Variants in BRD1 observed in about 807,000 individuals in gnomAD.
The protein encoded by BRD1 is bromodomain-containing protein 1.
In BRD1, 24 loss-of-function variants were observed where a neutral mutation model predicts 107.7. The ratio of observed to expected loss-of-function variants is 0.22; its 90% CI spans 0.16 to 0.31. BRD1 has a LOEUF of 0.31. Among genes scored for constraint, BRD1 ranks in the 10% least tolerant of loss-of-function variants. BRD1 has a pLI of 1.00. For missense variants in BRD1, 1,279 were observed against 1,638.6 expected, an observed-to-expected ratio of 0.78 and a Z score of 3.79; for synonymous variants, 744 against 686.1, an observed-to-expected ratio of 1.08 and a Z score of -1.32.
At chr22:49,798,162 A>T in intron 5 of BRD1, 45 bp from the exon 6 acceptor site, 1 of 1,494,852 alleles carries the variant, frequency 6.7e-7, no homozygotes, top group Non-Finnish European at 9.1e-7. Flanking sequence ...CTAAAACAGG[A>T]TATTAGTTGA....
intron 7 of BRD1, 120 bp downstream of exon 7, chr22:49,793,914 C>T (rs1293583404): frequency 2.2e-6 from 3 of 1,375,314 alleles, no homozygotes; most frequent in East Asian, 2.3e-5. Flanking sequence ...ACGGAACTGG[C>T]GCTAACCTGA....
rs2059685223 is a variant in BRD1, at chr22:49,803,770, A to G, written c.1524+434T>C. On this transcript the variant is annotated intron_variant, in intron 3 of 12. Transcript: ENST00000404760. The surrounding 1 kb of genome is among the most constrained non-coding windows in gnomAD (Gnocchi z 4.4). ...ATAAACCACTCCTCACATATTTCCAAAACCCACCCTCCAGGCCCAGCACAC... is the reference window on the plus strand; with the variant it reads ...ATAAACCACTCCTCACATATTTCCAGAACCCACCCTCCAGGCCCAGCACAC... Among the ~76,000 whole-genome samples, 1 of 152,108 alleles carries G rather than the reference A, an allele frequency of 6.6e-6. No individual in the cohort carries two copies. Among genetic ancestry groups the G allele is most frequent in the African/African-American group, 2.4e-5 (1 of 41,424 alleles).
rs565076505 is a variant in BRD1 at position 49,780,302 on chromosome 22, G to A, written c.2858-2489C>T. Reference sequence around the variant, plus strand: ...AAGTCCTTAATTCTCAGAAAGAGGAGAATGATAAAATGCCCCTCTTAATTT... The same window carrying A: ...AAGTCCTTAATTCTCAGAAAGAGGAAAATGATAAAATGCCCCTCTTAATTT... On this transcript the variant is annotated intron_variant, in intron 8 of 12. Coordinates refer to ENST00000404760, the MANE Select transcript of BRD1 (RefSeq NM_001304808.3). Among the ~76,000 whole-genome samples, 180 of 152,368 alleles carry A rather than the reference G, an allele frequency of 1.2e-3. 1 individual carries two copies. The highest frequency in any genetic ancestry group is 2.3e-3 in the Non-Finnish European group (156 of 68,032).
chr22:49,810,959 G>C (rs1021963021), intron 2 of BRD1, among the ~76,000 whole-genome samples: 4 of 152,168 alleles, frequency 2.6e-5, no homozygotes, highest in African/African-American at 9.7e-5. Context: ...GTTCAGAGCA[G>C]CATTGTTCAT....
chr22:49,779,740 C>A (rs1280758648), intron 8 of BRD1, among the ~76,000 whole-genome samples: 1 of 152,074 alleles, frequency 6.6e-6, no homozygotes, highest in Admixed American at 6.5e-5. Context: ...TTAAAAGTCC[C>A]GTCCTGGCCC....
chr22:49,787,606 T>G lies in BRD1; in HGVS notation c.2641A>C (p.Thr881Pro), dbSNP rs2147045184. The change falls in exon 8 of 13, where the codon ACT becomes CCT. Residue 881 changes from threonine to proline, a missense_variant. Around this residue, in one of 7 missense-constraint regions of BRD1, gnomAD observed 263 missense variants for 251.6 expected, o/e 1.05. Coordinates refer to ENST00000404760, the MANE Select transcript of BRD1 (RefSeq NM_001304808.3). Reference protein sequence around the residue: ...AEPASDVNRRTSVLFCKSKSV... With the variant: ...AEPASDVNRRPSVLFCKSKSV... ...TTCGATTTGCAGAAGAGAACAGAAG[T>G]GCGTCTGTTTACATCGCTTGCTGGC... The G allele has an allele frequency of 1.3e-6, 2 of 1,553,596 alleles. No homozygotes were observed. The highest frequency in any genetic ancestry group is 1.7e-6 in the Non-Finnish European group (2 of 1,148,278).
chr22:49,776,118 C>T lies in BRD1; in HGVS notation c.3163G>A (p.Ala1055Thr), dbSNP rs540212211. The change falls in exon 11 of 13, where the codon GCC (alanine) becomes ACC (threonine). Residue 1055 changes from alanine to threonine, a missense_variant. Ala to Thr is a moderately conservative substitution (Grantham distance 58). Transcript: ENST00000404760. Reference protein sequence around the residue: ...SSMWISTDAAASVLEPLKVVW... With the variant: ...SSMWISTDAATSVLEPLKVVW... ...ACCTTCAGAGGCTCCAGCACCGAGG[C>T]GGCGGCATCAGTGGAGATCCACATG... 13 of 1,606,886 alleles carry T rather than the reference C, an allele frequency of 8.1e-6. No individual in the cohort carries two copies. Among genetic ancestry groups the T allele is most frequent in the South Asian group, 5.5e-5 (5 of 91,056 alleles).
At chr22:49,774,561 G>C in intron 12 of BRD1, 145 bp from the exon 13 acceptor site, 7 of 920,278 alleles carry the variant, frequency 7.6e-6, no homozygotes, top group Non-Finnish European at 9.6e-6. Context: ...CCCGTGCAGG[G>C]ACAGGCCCGA....
Position 49,824,263 on chromosome 22 carries a change from G to A in BRD1, c.55C>T (p.Pro19Ser). Residue 19 changes from proline (P) to serine (S), a missense_variant, in exon 2 of 13, where the codon CCA (proline) becomes TCA (serine). This residue lies in a region of BRD1 where 223 missense variants were observed against 263.5 expected (regional missense o/e 0.85). Transcript: ENST00000404760. This position sits in a 1 kb window ranked among gnomAD's most constrained non-coding sequence, Gnocchi z 5.9. ...GTAGGGGAGTGTTTAACACTGCATG[G>A]GGAAGAAGGATGCCTCGCTGCAGAG... Reference protein sequence around the residue: ...RGSAARHPSSPCSVKHSPTRE... With the variant: ...RGSAARHPSSSCSVKHSPTRE... The A allele has an allele frequency of 1.9e-6, 3 of 1,613,964 alleles. No individual in the cohort carries two copies. Among genetic ancestry groups the A allele is most frequent in the Non-Finnish European group, 2.5e-6 (3 of 1,180,000 alleles).
intron 2 of BRD1, chr22:49,821,060 C>G (rs568122556): frequency 2.0e-5 from 3 of 152,400 alleles, no homozygotes; most frequent in African/African-American, 7.2e-5. Flanking sequence ...CCAATACATG[C>G]TTTCAAATAT....
chr22:49,824,918 A>G lies in BRD1; in HGVS notation c.-14-587T>C, dbSNP rs2060130074. On this transcript the variant is annotated intron_variant, in intron 1 of 12. Transcript: ENST00000404760. The surrounding 1 kb of genome is among the most constrained non-coding windows in gnomAD (Gnocchi z 5.9). Reference sequence around the variant, plus strand: ...TGCTGGGGCCAGGGGTAGGAGACAGATCACAGCCTGTCCATCCTCTATAGA... The same window carrying G: ...TGCTGGGGCCAGGGGTAGGAGACAGGTCACAGCCTGTCCATCCTCTATAGA... 1.5e-6 allele frequency: 1 copy of G among 659,772 alleles called. No individual in the cohort carries two copies. The highest frequency in any genetic ancestry group is 1.9e-6 in the Non-Finnish European group (1 of 527,896). 40.9% of individuals were successfully genotyped at this position (659,772 alleles called of 1,614,324 possible).
chr22:49,822,127 TA>T (rs1257243530), intron 2 of BRD1, among the ~76,000 whole-genome samples: 1 of 152,240 alleles, frequency 6.6e-6, no homozygotes, highest in Non-Finnish European at 1.5e-5. Flanking sequence ...CTGAAATTCT[TA>T]AAAATCTTCA....
chr22:49,777,337 G>C (rs538702171), intron 9 of BRD1, among the ~76,000 whole-genome samples, 176 bp from the exon 10 acceptor site: 23 of 152,380 alleles, frequency 1.5e-4, no homozygotes, highest in African/African-American at 4.3e-4. Context: ...TGGCAGGGGG[G>C]ACTCAGGAGG....
chr22:49,797,710 G>A (rs1047791991), intron 6 of BRD1, 95 bp downstream of exon 6: 17 of 1,332,100 alleles, frequency 1.3e-5, no homozygotes, highest in East Asian at 2.4e-5. Flanking sequence ...AGTGGCTCCC[G>A]GACCATGCTG....
intron 2 of BRD1, among the ~76,000 whole-genome samples, chr22:49,819,877 C>A (rs138875): frequency 0.022 from 3,407 of 152,234 alleles, 49 homozygotes; most frequent in Non-Finnish European, 0.033. Flanking sequence ...CGCCTGTAAT[C>A]CCAGCACTTT....
intron 3 of BRD1, 132 bp downstream of exon 3, chr22:49,804,072 C>G: frequency 4.2e-6 from 3 of 721,358 alleles, no homozygotes; most frequent in Non-Finnish European, 6.3e-6. Context: ...CAGGGCTGGA[C>G]GAGACGGAGG....
rs189635448 is a variant in BRD1 at position 49,798,749 on chromosome 22, C to T, written c.1657-63G>A. The stretch of plus-strand genomic sequence containing the variant: ...GCACATGCGTCTCAGCCCCACCACG[C>T]GCCCCACAGCCACAAGCAGCCCCCA... On this transcript the variant is annotated intron_variant, in intron 4 of 12. Transcript: ENST00000404760. The T allele has an allele frequency of 1.6e-5, 23 of 1,482,924 alleles. 1 individual carries two copies. The highest frequency in any genetic ancestry group is 1.2e-4 in the East Asian group (5 of 40,620). 91.9% of individuals were successfully genotyped at this position (1,482,924 alleles called of 1,614,324 possible).
chr22:49,814,863 T>C (rs973738628), intron 2 of BRD1, among the ~76,000 whole-genome samples: 1 of 152,084 alleles, frequency 6.6e-6, no homozygotes, highest in African/African-American at 2.4e-5. Flanking sequence ...GTAAATATGG[T>C]GAAAGTGAAG....
At chr22:49,800,665 C>T (rs1010673395) in intron 3 of BRD1, among the ~76,000 whole-genome samples, 5 of 152,332 alleles carry the variant, frequency 3.3e-5, no homozygotes, top group Non-Finnish European at 5.9e-5. Flanking sequence ...GCAGGGGCCC[C>T]GTTGACAGCA....
Sources: allele counts gnomAD v4.1 joint callset (sites outside exome capture counted in the v4.1 genomes callset), GRCh38; gene constraint gnomAD v4.1.1; regional missense constraint gnomAD v4.1.1; non-coding constraint Gnocchi (gnomAD v3.1); transcripts MANE v1.5; gene names NCBI Gene and HGNC (gene_info 2026-07-23, HGNC 2026-07-21).